GOSR1: variants seen among roughly 807,000 people sequenced by gnomAD.
The protein encoded by GOSR1 is 28 kDa Golgi SNARE protein.
In GOSR1, 21 loss-of-function variants were observed where a neutral mutation model predicts 35.5. The observed-to-expected ratio is 0.59, with a 90% CI of 0.42 to 0.85. GOSR1 has a LOEUF of 0.85. Among genes scored for constraint, GOSR1 ranks in the 40% least tolerant of loss-of-function variants. The pLI is 0.00. For missense variants in GOSR1, 285 were observed against 309.6 expected (o/e 0.92, Z 0.60); for synonymous variants, 94 against 106.6 (o/e 0.88, Z 0.73).
chr17:30,520,133 G>A (rs1189081538), intron 8 of GOSR1, 112 bp downstream of exon 8: 6 of 701,944 alleles, frequency 8.5e-6, no homozygotes, highest in Non-Finnish European at 1.3e-5. Context: ...GAGCCCATCA[G>A]TAATTGCATA....
chr17:30,490,053 G>A (rs1597768703), intron 4 of GOSR1, 73 bp from the exon 5 acceptor site: 2 of 702,314 alleles, frequency 2.8e-6, no homozygotes, highest in African/African-American at 1.8e-5. Flanking sequence ...GTGTGATGAC[G>A]ATACATAACT....
intron 6 of GOSR1, among the ~76,000 whole-genome samples, chr17:30,493,678 A>G (rs965227720): frequency 3.3e-5 from 5 of 152,220 alleles, no homozygotes; most frequent in African/African-American, 4.8e-5. Context: ...AAGTATGGAT[A>G]GTTCAACAAC....
chr17:30,521,106 C>T (rs143487161), intron 8 of GOSR1, among the ~76,000 whole-genome samples: 4 of 150,620 alleles, frequency 2.7e-5, no homozygotes, highest in African/African-American at 7.3e-5. Context: ...TTTACCACCA[C>T]TCTTCTTTGT....
intron 7 of GOSR1, among the ~76,000 whole-genome samples, chr17:30,514,049 T>A (rs1288327392): frequency 2.6e-5 from 4 of 152,234 alleles, no homozygotes; most frequent in African/African-American, 9.6e-5. Flanking sequence ...CCTTGTAAAC[T>A]TTTCTACAAA....
intron 5 of GOSR1, among the ~76,000 whole-genome samples, chr17:30,491,129 G>A (rs1915015536): frequency 6.6e-6 from 1 of 152,068 alleles, no homozygotes; most frequent in Non-Finnish European, 1.5e-5. Context: ...TAAGTCTTTT[G>A]TTTAATTTCC....
Position 30,525,751 on chromosome 17 carries a change from C to G in GOSR1, c.*3373C>G, listed in dbSNP as rs1381575185. 6.6e-6 allele frequency: 1 copy of G among 152,156 alleles called. No homozygotes were observed. The highest frequency in any genetic ancestry group is 1.9e-4 in the East Asian group (1 of 5,204). The allele number at this position is 152,156 out of a possible 1,614,324, so 9.4% of individuals were successfully genotyped here. A position where few individuals can be genotyped will look rare whatever the true frequency, so the allele number is the denominator to read the frequency against. On this transcript the variant is annotated 3_prime_UTR_variant, in exon 9 of 9. Coordinates refer to ENST00000451249, the MANE Select transcript of GOSR1 (RefSeq NM_001007025.2). ...GCAGCCAAGCAAACCCTGTTGATGG[C>G]TGATGGGCCTTTCCATTAGGGTTTT...
At chr17:30,484,561 TTTTGC>T in intron 3 of GOSR1, 97 bp from the exon 4 acceptor site, 2 of 501,712 alleles carry the variant, frequency 4.0e-6, no homozygotes, top group Non-Finnish European at 7.1e-6. Context: ...TTTTGTTTTG[TTTTGC>T]TGTCAACCAA....
chr17:30,505,496 A>G (rs1967367753), intron 6 of GOSR1, among the ~76,000 whole-genome samples: 1 of 152,214 alleles, frequency 6.6e-6, no homozygotes, highest in African/African-American at 2.4e-5. Context: ...ATTTTTTACA[A>G]ACTGAAGGTT....
chr17:30,500,448 A>G (rs576996274), intron 6 of GOSR1, among the ~76,000 whole-genome samples: 2 of 152,122 alleles, frequency 1.3e-5, no homozygotes, highest in Non-Finnish European at 2.9e-5. Context: ...AAACACATGT[A>G]TATTCCATTG....
chr17:30,510,824 G>A, intron 6 of GOSR1, 56 bp from the exon 7 acceptor site: 2 of 919,854 alleles, frequency 2.2e-6, no homozygotes, highest in Admixed American at 1.9e-5. Context: ...AATTAATACA[G>A]GTTTTACATG....
At chr17:30,485,590 C>T (rs1914631407) in intron 4 of GOSR1, among the ~76,000 whole-genome samples, 2 of 152,156 alleles carry the variant, frequency 1.3e-5, no homozygotes, top group Admixed American at 6.5e-5. Flanking sequence ...TCTCTTAACT[C>T]CTGTGTATGG....
chr17:30,512,766 C>G (rs1205298470), intron 7 of GOSR1, among the ~76,000 whole-genome samples: 1 of 152,132 alleles, frequency 6.6e-6, no homozygotes, highest in Admixed American at 6.5e-5. Context: ...CCCAATCATC[C>G]TTTTTCTTTT....
At chr17:30,485,107 C>T in intron 4 of GOSR1, 1 of 350,466 alleles carries the variant, frequency 2.9e-6, no homozygotes, top group Non-Finnish European at 5.5e-6. Flanking sequence ...TAAGCGTGTA[C>T]TTTCAGCTAG....
chr17:30,521,196 T>A (rs953306112), intron 8 of GOSR1, among the ~76,000 whole-genome samples: 2 of 132,642 alleles, frequency 1.5e-5, no homozygotes, highest in Non-Finnish European at 3.1e-5. Context: ...TTTTTTTTTT[T>A]AAGACAGAGT....
chr17:30,518,843 T>C (rs1967915163), intron 7 of GOSR1, among the ~76,000 whole-genome samples: 1 of 151,674 alleles, frequency 6.6e-6, no homozygotes, highest in African/African-American at 2.4e-5. Flanking sequence ...CTCAGGAGGC[T>C]GAGGTGGGAG....
rs1914556075 is a variant in GOSR1, at chr17:30,484,552, T to C, written c.235-111T>C. The C allele has an allele frequency of 7.8e-6, 5 of 642,788 alleles. No homozygotes were observed. The East Asian group carries it at 1.4e-4, about 18-fold the overall frequency. 39.8% of individuals were successfully genotyped at this position (642,788 alleles called of 1,614,324 possible). On this transcript the variant is annotated intron_variant, in intron 3 of 8. Transcript: ENST00000451249. ...TTGTTTGTTTTTTGTTTTGTTTTGT[T>C]TTGTTTTGTTTTGCTGTCAACCAAA...
intron 6 of GOSR1, among the ~76,000 whole-genome samples, chr17:30,502,642 T>G (rs1967252144): frequency 6.6e-6 from 1 of 152,242 alleles, no homozygotes; most frequent in African/African-American, 2.4e-5. Context: ...TGAAAATGTT[T>G]GTGCTAAACA....
intron 5 of GOSR1, 112 bp from the exon 6 acceptor site, chr17:30,492,567 A>C: frequency 1.6e-6 from 1 of 643,478 alleles, no homozygotes; most frequent in Non-Finnish European, 2.8e-6. Flanking sequence ...TTCATTGTTC[A>C]TTCAAAACTC....
At position 30,525,909 on chromosome 17, in the gene GOSR1, T is replaced by C. The variant is rs965856924; in HGVS notation, c.*3531T>C. ...TGACTAACCTCTCCGTGCTGCAGCCTATACTAAGGTGACCCAGGGCCACAT... is the reference window on the plus strand; with the variant it reads ...TGACTAACCTCTCCGTGCTGCAGCCCATACTAAGGTGACCCAGGGCCACAT... On this transcript the variant is annotated 3_prime_UTR_variant, in exon 9 of 9. Coordinates refer to ENST00000451249, the MANE Select transcript of GOSR1 (RefSeq NM_001007025.2). 5.9e-5 allele frequency: 9 copies of C among 152,208 alleles called. No homozygotes were observed. The highest frequency in any genetic ancestry group is 4.4e-5 in the Non-Finnish European group (3 of 68,040). 9.4% of individuals were successfully genotyped at this position (152,208 alleles called of 1,614,324 possible).
Sources: gnomAD v4.1 joint callset for allele counts (sites outside exome capture counted in the v4.1 genomes callset) on GRCh38, gnomAD v4.1.1 for gene constraint, MANE v1.5 for transcripts, NCBI Gene and HGNC (gene_info 2026-07-23, HGNC 2026-07-21) for gene names.